The following PACS1 variants were observed in gnomAD, a reference collection of about 807,000 sequenced individuals.
PACS1 encodes the protein phosphofurin acidic cluster sorting protein 1, also known as PACS-1.
PACS1 carries 24 observed loss-of-function variants against 115.0 expected under a neutral mutation model. That is an observed-to-expected ratio of 0.21 (90% CI 0.15 to 0.29). The LOEUF (loss-of-function observed/expected upper bound fraction) is 0.29, where lower values mean the gene tolerates loss of function less well. Ranked by LOEUF, PACS1 falls within the 10% of genes least tolerant of loss-of-function variation. PACS1 has a pLI of 1.00. For synonymous variants in PACS1, 453 were observed against 504.5 expected (o/e 0.90, Z 1.37); for missense variants, 838 against 1,251.2 (o/e 0.67, Z 4.98).
chr11:66,122,607 C>A (rs1047043386), intron 1 of PACS1, among the ~76,000 whole-genome samples: 7 of 152,124 alleles, frequency 4.6e-5, no homozygotes, highest in African/African-American at 1.7e-4. Flanking sequence ...TCAACATCAA[C>A]AGGAGTTTGA....
chr11:66,141,014 T>C (rs940256159), intron 1 of PACS1, among the ~76,000 whole-genome samples: 3 of 152,160 alleles, frequency 2.0e-5, no homozygotes, highest in African/African-American at 7.2e-5. Context: ...TAGAAACTTA[T>C]TTACTGATGG....
intron 1 of PACS1, among the ~76,000 whole-genome samples, chr11:66,138,651 T>C (rs1441628308): frequency 6.6e-6 from 1 of 151,818 alleles, no homozygotes; most frequent in Non-Finnish European, 1.5e-5. Flanking sequence ...AGCTACTAAA[T>C]AGGACTCTTG....
At chr11:66,077,429 C>T (rs950067748) in intron 1 of PACS1, among the ~76,000 whole-genome samples, 15 of 152,080 alleles carry the variant, frequency 9.9e-5, no homozygotes, top group Non-Finnish European at 1.8e-4. Context: ...GGTGTGGTGG[C>T]GTGCGCCTGT....
intron 1 of PACS1, among the ~76,000 whole-genome samples, chr11:66,164,385 T>C (rs1859553227): frequency 6.6e-6 from 1 of 151,484 alleles, no homozygotes; most frequent in Non-Finnish European, 1.5e-5. Flanking sequence ...TCTGGGCACT[T>C]GTGTGCTATG....
intron 5 of PACS1, 102 bp from the exon 6 acceptor site, chr11:66,216,418 G>C: frequency 7.1e-7 from 1 of 1,415,862 alleles, no homozygotes; most frequent in Non-Finnish European, 9.9e-7. Flanking sequence ...CTCCACCCTG[G>C]CTGTGTTTCC....
chr11:66,074,946 T>G (rs111850915), intron 1 of PACS1, among the ~76,000 whole-genome samples: 1 of 137,918 alleles, frequency 7.3e-6, no homozygotes, highest in African/African-American at 2.7e-5. Flanking sequence ...TTGGTGTTTT[T>G]TTTTTTTTTT....
At chr11:66,087,196 T>G (rs1565101241) in intron 1 of PACS1, among the ~76,000 whole-genome samples, 1 of 152,128 alleles carries the variant, frequency 6.6e-6, no homozygotes, top group East Asian at 1.9e-4. Flanking sequence ...TGCCTGCTTT[T>G]GTACTTCACA....
At chr11:66,216,807 T>C (rs368707756) in intron 7 of PACS1, 32 bp downstream of exon 7, 6 of 1,546,964 alleles carry the variant, frequency 3.9e-6, no homozygotes, top group Non-Finnish European at 5.3e-6. Flanking sequence ...AGTGGTTGGC[T>C]AAGATTTTCA....
At chr11:66,180,867 C>T (rs1859994921) in intron 1 of PACS1, among the ~76,000 whole-genome samples, 1 of 152,122 alleles carries the variant, frequency 6.6e-6, no homozygotes, top group Non-Finnish European at 1.5e-5. Context: ...CCATGTTGCC[C>T]AGGCTGGTCT....
chr11:66,212,259 G>A (rs2134702163), intron 4 of PACS1, among the ~76,000 whole-genome samples: 1 of 151,510 alleles, frequency 6.6e-6, no homozygotes, highest in African/African-American at 2.4e-5. Context: ...AGCCTCCTGA[G>A]TAGCTGGGAC....
Position 66,235,864 on chromosome 11 carries a change from A to C in PACS1, c.2208-34A>C. 1 of 1,588,840 alleles carries C rather than the reference A, an allele frequency of 6.3e-7. No individual in the cohort carries two copies. Among genetic ancestry groups the C allele is most frequent in the African/African-American group, 1.3e-5 (1 of 74,524 alleles). On this transcript the variant is annotated intron_variant, in intron 18 of 23. Transcript: ENST00000320580. This position sits in a 1 kb window ranked among gnomAD's most constrained non-coding sequence, Gnocchi z 5.6. ...CCCAGCACTCCTCCCTGTCTCTCCT[A>C]CTAACTATGAAGCTCTCCTGTGTCT...
At chr11:66,204,427 T>G (rs1854884941) in intron 2 of PACS1, among the ~76,000 whole-genome samples, 1 of 152,176 alleles carries the variant, frequency 6.6e-6, no homozygotes, top group African/African-American at 2.4e-5. Context: ...AAGGGAACCC[T>G]CGTACACTGT....
intron 1 of PACS1, among the ~76,000 whole-genome samples, chr11:66,106,941 G>A (rs922986216): frequency 6.6e-6 from 1 of 152,070 alleles, no homozygotes; most frequent in Non-Finnish European, 1.5e-5. Flanking sequence ...TTGCCTCTGG[G>A]CTTCATGTGA....
chr11:66,210,809 C>T (rs1445692439), intron 3 of PACS1, among the ~76,000 whole-genome samples: 6 of 152,236 alleles, frequency 3.9e-5, no homozygotes, highest in African/African-American at 9.6e-5. Flanking sequence ...CCCTCTACTC[C>T]GTATCCCTCC....
At chr11:66,215,932 TAATAATAATAATAATAATAAAC>T (rs1351265531) in intron 4 of PACS1, among the ~76,000 whole-genome samples, 165 bp from the exon 5 acceptor site, 2 of 146,980 alleles carry the variant, frequency 1.4e-5, no homozygotes, top group African/African-American at 5.0e-5. Flanking sequence ...ATAATAATAA[TAATAATAATAATAATAATAAAC>T]AAAGTAAGAC....
intron 1 of PACS1, among the ~76,000 whole-genome samples, chr11:66,141,938 T>C (rs946093494): frequency 3.3e-5 from 5 of 152,024 alleles, no homozygotes; most frequent in Admixed American, 6.6e-5. Flanking sequence ...CCTGAGTAGC[T>C]GGGATTATAG....
intron 1 of PACS1, among the ~76,000 whole-genome samples, chr11:66,191,962 G>A (rs1017242037): frequency 6.6e-6 from 1 of 152,008 alleles, no homozygotes; most frequent in African/African-American, 2.4e-5. Context: ...GGTGGAGGCT[G>A]CAGTGAGCCA....
chr11:66,207,449 A>G (rs1398113737), intron 2 of PACS1, among the ~76,000 whole-genome samples: 1 of 152,260 alleles, frequency 6.6e-6, no homozygotes, highest in Admixed American at 6.5e-5. Context: ...CCTAGTCGAC[A>G]GAGCAAGACT....
chr11:66,130,449 T>C (rs1858673787), intron 1 of PACS1, among the ~76,000 whole-genome samples: 1 of 152,192 alleles, frequency 6.6e-6, no homozygotes, highest in Non-Finnish European at 1.5e-5. Context: ...GGGTCCCTGA[T>C]GTTTTTATTG....
Sources: allele counts gnomAD v4.1 joint callset (sites outside exome capture counted in the v4.1 genomes callset), GRCh38; gene constraint gnomAD v4.1.1; non-coding constraint Gnocchi (gnomAD v3.1); transcripts MANE v1.5; gene names NCBI Gene and HGNC (gene_info 2026-07-23, HGNC 2026-07-21).